The following PDE8B variants were observed in gnomAD, a reference collection of about 807,000 sequenced individuals.
PDE8B encodes the protein high affinity cAMP-specific and IBMX-insensitive 3',5'-cyclic phosphodiesterase 8B.
PDE8B carries 26 observed loss-of-function variants against 101.3 expected under a neutral mutation model. The observed-to-expected ratio is 0.26, with a 90% CI of 0.19 to 0.36. PDE8B has a LOEUF of 0.36. Ranked by LOEUF, PDE8B falls within the 10% of genes least tolerant of loss-of-function variation. The pLI is 1.00. For synonymous variants in PDE8B, 424 were observed against 429.3 expected (o/e 0.99, Z 0.15); for missense variants, 810 against 1,163.1 (o/e 0.70, Z 4.42).
intron 1 of PDE8B, among the ~76,000 whole-genome samples, chr5:77,241,678 C>T (rs1023336189): frequency 1.3e-5 from 2 of 152,168 alleles, no homozygotes; most frequent in Non-Finnish European, 2.9e-5. Flanking sequence ...AGTTCCCAGC[C>T]ACCATTCCTC....
At chr5:77,162,940 G>T in the PDE8B span, among the ~76,000 whole-genome samples, 1 of 152,078 alleles carries the variant, frequency 6.6e-6, no homozygotes, top group Non-Finnish European at 1.5e-5. Flanking sequence ...CAAACAATTG[G>T]TTCCCATATT....
chr5:77,390,490 C>T lies in PDE8B; in HGVS notation c.1168-9758C>T, dbSNP rs578190019. 1.2e-4 allele frequency among the ~76,000 whole-genome samples: 18 copies of T among 152,266 alleles called. No homozygotes were observed. The East Asian group carries it at 2.7e-3, about 23-fold the overall frequency. Reference sequence around the variant, plus strand: ...CCCAGTAACACACAAAATCAAACTTCCCAGTCACTGCTGCAAATGAGAATA... The same window carrying T: ...CCCAGTAACACACAAAATCAAACTTTCCAGTCACTGCTGCAAATGAGAATA... On this transcript the variant is annotated intron_variant, in intron 10 of 21. Transcript: ENST00000264917.
Position 77,413,321 on chromosome 5 carries a change from A to G in PDE8B, c.1911+12A>G, listed in dbSNP as rs781112117. ...AGGAAAGAGTAAAGGTAGGATTTTG[A>G]TATCATGACCTAGTTACCTGCCTGG... On this transcript the variant is annotated intron_variant, in intron 17 of 21. Transcript: ENST00000264917. 5.0e-6 allele frequency: 8 copies of G among 1,609,672 alleles called. No individual in the cohort carries two copies. The South Asian group carries it at 8.8e-5, about 18-fold the overall frequency.
At chr5:77,240,291 C>T (rs1240939801) in intron 1 of PDE8B, among the ~76,000 whole-genome samples, 1 of 152,100 alleles carries the variant, frequency 6.6e-6, no homozygotes, top group Non-Finnish European at 1.5e-5. Flanking sequence ...GTAGCTGGGA[C>T]TACAGACGCC....
At chr5:77,363,713 G>GAA (rs34650604) in intron 10 of PDE8B, among the ~76,000 whole-genome samples, 10 of 113,138 alleles carry the variant, frequency 8.8e-5, no homozygotes, top group Admixed American at 1.9e-4. Flanking sequence ...CTCCATCGCA[G>GAA]AAAAAAAAAA....
At chr5:77,383,842 A>G (rs1013770239) in intron 10 of PDE8B, among the ~76,000 whole-genome samples, 2 of 152,010 alleles carry the variant, frequency 1.3e-5, no homozygotes, top group Non-Finnish European at 2.9e-5. Flanking sequence ...TGGTCTATAT[A>G]TCTGTTTTGG....
chr5:77,095,990 A>G, the PDE8B span, among the ~76,000 whole-genome samples: 1 of 152,092 alleles, frequency 6.6e-6, no homozygotes, highest in Non-Finnish European at 1.5e-5. Context: ...TAATTTTTTC[A>G]TGATACACAT....
chr5:77,395,761 C>T (rs1790918294), intron 10 of PDE8B, among the ~76,000 whole-genome samples: 1 of 149,710 alleles, frequency 6.7e-6, no homozygotes, highest in South Asian at 2.2e-4. Flanking sequence ...CACACACATG[C>T]TTAACCACAG....
chr5:77,209,773 G>A (rs548160422), upstream of PDE8B, among the ~76,000 whole-genome samples: 1 of 152,210 alleles, frequency 6.6e-6, no homozygotes, highest in African/African-American at 2.4e-5. Flanking sequence ...TGAACATTTA[G>A]TGACACCTAA....
intron 1 of PDE8B, among the ~76,000 whole-genome samples, chr5:77,304,672 A>T (rs1312918649): frequency 6.6e-6 from 1 of 152,238 alleles, no homozygotes; most frequent in Non-Finnish European, 1.5e-5. Flanking sequence ...GGCATAAAAC[A>T]TAAAAGTAAT....
chr5:77,213,402 C>T (rs144763134), intron 1 of PDE8B, among the ~76,000 whole-genome samples: 94 of 152,290 alleles, frequency 6.2e-4, no homozygotes, highest in Non-Finnish European at 8.4e-4. Context: ...GCAAATCTTA[C>T]AGAATTATTA....
chr5:77,302,082 G>A (rs1277786663), intron 1 of PDE8B, among the ~76,000 whole-genome samples: 6 of 152,040 alleles, frequency 3.9e-5, no homozygotes, highest in Admixed American at 1.3e-4. Context: ...TGACTATGTT[G>A]TATAAATAAT....
intron 1 of PDE8B, among the ~76,000 whole-genome samples, chr5:77,287,132 G>C (rs1252411537): frequency 6.6e-6 from 1 of 151,952 alleles, no homozygotes; most frequent in South Asian, 2.1e-4. Flanking sequence ...TTCCATCTGA[G>C]ATCATTTGCC....
intron 6 of PDE8B, among the ~76,000 whole-genome samples, chr5:77,342,301 C>T (rs1428360896): frequency 6.6e-6 from 1 of 152,086 alleles, no homozygotes; most frequent in Admixed American, 6.6e-5. Flanking sequence ...TTGATCTTTA[C>T]AAAAACCTGT....
chr5:77,266,438 T>C (rs1182368915), intron 1 of PDE8B, among the ~76,000 whole-genome samples: 2 of 152,198 alleles, frequency 1.3e-5, no homozygotes, highest in Non-Finnish European at 2.9e-5. Flanking sequence ...GCTGAAGCGC[T>C]GTCTATTCCT....
the PDE8B span, among the ~76,000 whole-genome samples, chr5:77,103,869 C>T: frequency 6.6e-6 from 1 of 152,204 alleles, no homozygotes; most frequent in Non-Finnish European, 1.5e-5. Flanking sequence ...GAAGGAGTTA[C>T]ACTTAGAGTT....
intron 19 of PDE8B, 67 bp from the exon 20 acceptor site, chr5:77,421,754 G>C: frequency 1.3e-6 from 2 of 1,494,266 alleles, no homozygotes; most frequent in Non-Finnish European, 1.9e-6. Context: ...CGAATGCCTG[G>C]CGAATTAACC....
chr5:77,312,639 C>G (rs867780901), intron 2 of PDE8B, among the ~76,000 whole-genome samples: 1 of 152,198 alleles, frequency 6.6e-6, no homozygotes, highest in Non-Finnish European at 1.5e-5. Flanking sequence ...GCTGTGTGAC[C>G]TTGCATATAT....
At chr5:77,291,651 G>A in intron 1 of PDE8B, 1 of 1,596,608 alleles carries the variant, frequency 6.3e-7, no homozygotes, top group Non-Finnish European at 8.6e-7. Flanking sequence ...AACAAGTGGG[G>A]CTGAGATTGG....
Sources: allele counts gnomAD v4.1 joint callset (sites outside exome capture counted in the v4.1 genomes callset), GRCh38; gene constraint gnomAD v4.1.1; transcripts MANE v1.5; gene names NCBI Gene and HGNC (gene_info 2026-07-23, HGNC 2026-07-21).